TEKT5: variants seen among roughly 807,000 people sequenced by gnomAD.
TEKT5 encodes the protein tektin 5, also known as tektin-5.
TEKT5 carries 52 observed loss-of-function variants against 48.7 expected under a neutral mutation model. That is an observed-to-expected ratio of 1.07 (90% CI 0.86 to 1.35). The LOEUF (loss-of-function observed/expected upper bound fraction) is 1.35, where lower values mean the gene tolerates loss of function less well. Ranked by LOEUF, TEKT5 falls within the 40% of genes most tolerant of loss-of-function variation. The pLI, the probability that TEKT5 is intolerant of heterozygous loss-of-function variation, is 0.00. For missense variants in TEKT5, 831 were observed against 641.6 expected (o/e 1.30, Z -3.19); for synonymous variants, 318 against 267.6 (o/e 1.19, Z -1.84).
At chr16:10,682,368 C>A (rs1427934934) in intron 3 of TEKT5, among the ~76,000 whole-genome samples, 1 of 152,060 alleles carries the variant, frequency 6.6e-6, no homozygotes, top group Admixed American at 6.6e-5. Flanking sequence ...CACTCTGTCA[C>A]CCAGGTTGGA....
rs574505060 is a variant in TEKT5 at position 10,637,871 on chromosome 16, C to T, written c.1087-1953G>A. Among the ~76,000 whole-genome samples the T allele has an allele frequency of 7.9e-5, 12 of 152,290 alleles. No individual in the cohort carries two copies. In the East Asian group the frequency reaches 2.1e-3, roughly 27 times the overall value. On this transcript the variant is annotated intron_variant, in intron 5 of 6. Coordinates refer to ENST00000283025, the MANE Select transcript of TEKT5 (RefSeq NM_144674.2). ...TGACACTCAGGCTGGAGTGCAGTTG[C>T]GCAATCGCAGCTTACCACAGCCTCG...
At chr16:10,683,776 A>G (rs1898802692) in intron 3 of TEKT5, among the ~76,000 whole-genome samples, 1 of 152,138 alleles carries the variant, frequency 6.6e-6, no homozygotes, top group Non-Finnish European at 1.5e-5. Flanking sequence ...TTTTTTTAGT[A>G]GAGATGGGGT....
chr16:10,685,090 C>A (rs1898838293), intron 3 of TEKT5, among the ~76,000 whole-genome samples: 1 of 152,214 alleles, frequency 6.6e-6, no homozygotes, highest in South Asian at 2.1e-4. Context: ...TGGCAGGAGT[C>A]ATCTGACACA....
intron 5 of TEKT5, among the ~76,000 whole-genome samples, chr16:10,674,634 A>C (rs965782151): frequency 2.7e-5 from 4 of 147,732 alleles, no homozygotes; most frequent in Non-Finnish European, 6.1e-5. Flanking sequence ...AAAAAAAAAA[A>C]AAAAAAACAG....
intron 5 of TEKT5, among the ~76,000 whole-genome samples, chr16:10,641,611 G>A (rs1451269395): frequency 1.3e-5 from 2 of 152,132 alleles, no homozygotes; most frequent in Non-Finnish European, 2.9e-5. Context: ...CTTGAGTCCA[G>A]GAGTTTGAGA....
intron 4 of TEKT5, 61 bp downstream of exon 4, chr16:10,681,932 A>G: frequency 6.3e-7 from 1 of 1,582,940 alleles, no homozygotes; most frequent in Non-Finnish European, 8.6e-7. Flanking sequence ...CGTTGGCAGG[A>G]GCAGAAGCCC....
At chr16:10,670,982 G>A (rs1251053932) in intron 5 of TEKT5, among the ~76,000 whole-genome samples, 2 of 151,968 alleles carry the variant, frequency 1.3e-5, no homozygotes, top group Non-Finnish European at 2.9e-5. Context: ...ATAGCTCACT[G>A]CAGCATCAAA....
chr16:10,639,807 A>G (rs74007192), intron 5 of TEKT5, among the ~76,000 whole-genome samples: 3,508 of 152,164 alleles, frequency 0.023, 133 homozygotes, highest in African/African-American at 0.079. Flanking sequence ...GGGTCCCCCA[A>G]TCAGAGTGTG....
intron 5 of TEKT5, among the ~76,000 whole-genome samples, chr16:10,661,713 C>T (rs1028949475): frequency 2.0e-5 from 3 of 152,160 alleles, no homozygotes; most frequent in Non-Finnish European, 4.4e-5. Context: ...ATTCGGATTC[C>T]AGTGTGCCCA....
chr16:10,660,878 T>C (rs1028872819), intron 5 of TEKT5, among the ~76,000 whole-genome samples: 2 of 152,074 alleles, frequency 1.3e-5, no homozygotes, highest in Non-Finnish European at 2.9e-5. Context: ...TTTTTGTATT[T>C]TTAGTTGAGA....
chr16:10,635,892 C>G lies in TEKT5; in HGVS notation c.1113G>C (p.Glu371Asp). The G allele has an allele frequency of 6.2e-7, 1 of 1,614,044 alleles. No individual in the cohort carries two copies. The highest frequency in any genetic ancestry group is 1.3e-5 in the African/African-American group (1 of 75,020). Residue 371 changes from glutamate to aspartate, a missense_variant, in exon 6 of 7, where the codon GAG becomes GAC. Transcript: ENST00000283025. ...AKTLQEIFQA[E>D]NTIMLLERSI... Reference sequence around the variant, plus strand: ...ACCTTTCCAGCAGCATGATGGTGTTCTCGGCCTGGAAGATCTCCTGCAGCG... The same window carrying G: ...ACCTTTCCAGCAGCATGATGGTGTTGTCGGCCTGGAAGATCTCCTGCAGCG...
chr16:10,694,296 A>C lies in TEKT5; in HGVS notation c.564+14T>G, dbSNP rs749466736. On this transcript the variant is annotated intron_variant, in intron 1 of 6. Transcript: ENST00000283025. ...AGGACACAGCCACAGCCCTGTCCCC[A>C]CCCCTGTACTCACCTGCAATGGGCA... 36 of 1,556,678 alleles carry C rather than the reference A, an allele frequency of 2.3e-5. No homozygotes were observed. Among genetic ancestry groups the C allele is most frequent in the Non-Finnish European group, 3.1e-5 (36 of 1,150,674 alleles).
At chr16:10,636,202 C>T (rs1356941381) in intron 5 of TEKT5, among the ~76,000 whole-genome samples, 1 of 152,072 alleles carries the variant, frequency 6.6e-6, no homozygotes, top group Non-Finnish European at 1.5e-5. Flanking sequence ...TGGTGAAACC[C>T]CGTCTCTACT....
In TEKT5 at chr16:10,627,558, G is replaced by A. The variant is rs529494934; in HGVS notation, c.*25C>T. The A allele has an allele frequency of 8.7e-6, 14 of 1,610,852 alleles. No homozygotes were observed. Among genetic ancestry groups the A allele is most frequent in the East Asian group, 2.2e-5 (1 of 44,830 alleles). Reference sequence around the variant, plus strand: ...CAGCCTTTTCCAATTTTACGCCAGCGCGGAATGAGGCGCCAGGGCGGTGCT... The same window carrying A: ...CAGCCTTTTCCAATTTTACGCCAGCACGGAATGAGGCGCCAGGGCGGTGCT... On this transcript the variant is annotated 3_prime_UTR_variant, in exon 7 of 7. Coordinates refer to ENST00000283025, the MANE Select transcript of TEKT5 (RefSeq NM_144674.2).
intron 4 of TEKT5, among the ~76,000 whole-genome samples, chr16:10,676,400 C>T (rs948332445): frequency 1.3e-5 from 2 of 152,146 alleles, no homozygotes; most frequent in Non-Finnish European, 2.9e-5. Flanking sequence ...CTCCAGACAT[C>T]GCCAAATGAC....
At chr16:10,635,707 C>T (rs1439034574) in intron 6 of TEKT5, 57 bp downstream of exon 6, 1 of 1,580,668 alleles carries the variant, frequency 6.3e-7, no homozygotes. Context: ...AGACTCACCC[C>T]TTCCCGTTCC....
intron 4 of TEKT5, among the ~76,000 whole-genome samples, chr16:10,679,839 G>A (rs923100283): frequency 1.3e-5 from 2 of 152,004 alleles, no homozygotes; most frequent in African/African-American, 2.4e-5. Flanking sequence ...GGAGGCTGTG[G>A]TGAGCCGAGA....
At position 10,635,787 on chromosome 16, in the gene TEKT5, C is replaced by T. The variant is rs766397355; in HGVS notation, c.1218G>A (p.Leu406=). ...ACTTCAACTGCGGGATGTCCCTGCA[C>T]AGCTCCATGTTGGGGCGCCGGGTCC... ...ECRTRRPNME[L]CRDIPQLKLV... The change falls in exon 6 of 7, where the codon CTG becomes CTA. Residue 406 remains leucine (L), a synonymous_variant. Transcript: ENST00000283025. 3 of 1,614,178 alleles carry T rather than the reference C, an allele frequency of 1.9e-6. No individual in the cohort carries two copies. The highest frequency in any genetic ancestry group is 1.3e-5 in the African/African-American group (1 of 75,056).
chr16:10,688,453 G>A (rs910077676), intron 3 of TEKT5, among the ~76,000 whole-genome samples: 6 of 152,204 alleles, frequency 3.9e-5, no homozygotes, highest in African/African-American at 1.2e-4. Context: ...CTGCATCCAC[G>A]CCAACTGCCC....
Sources: gnomAD v4.1 joint callset for allele counts (sites outside exome capture counted in the v4.1 genomes callset) on GRCh38, gnomAD v4.1.1 for gene constraint, MANE v1.5 for transcripts, NCBI Gene and HGNC (gene_info 2026-07-23, HGNC 2026-07-21) for gene names.